The following THUMPD2 variants were observed in gnomAD, a reference collection of about 807,000 sequenced individuals.
THUMPD2 encodes U6 snRNA (guanine-N(2))-methyltransferase THUMPD2.
THUMPD2 carries 56 observed loss-of-function variants against 49.4 expected under a neutral mutation model. The ratio of observed to expected loss-of-function variants is 1.13; its 90% confidence interval spans 0.91 to 1.41. The LOEUF is 1.41. THUMPD2 is among the 40% of genes most tolerant of loss of function. The probability of loss-of-function intolerance (pLI) is 0.00; values close to 1 mark genes in which losing one functional copy is unlikely to be tolerated. For missense variants in THUMPD2, 709 were observed against 594.5 expected, an observed-to-expected ratio of 1.19 and a Z score of -2.00; for synonymous variants, 237 against 205.2, an observed-to-expected ratio of 1.15 and a Z score of -1.32.
Position 39,756,008 on chromosome 2 carries a change from G to A in THUMPD2, c.892-48C>T, listed in dbSNP as rs149890087. 154 of 1,527,548 alleles carry A rather than the reference G, an allele frequency of 1.0e-4. 1 individual carries two copies. The African/African-American group carries it at 1.6e-3, about 16-fold the overall frequency. 94.6% of individuals were successfully genotyped at this position (1,527,548 alleles called of 1,614,324 possible). ...GGTATTATTAAGACTACCATAGTAC[G>A]TACTATAAAAGAAACCTAAAACTTG... On this transcript the variant is annotated intron_variant, in intron 6 of 9. Transcript: ENST00000505747.
chr2:39,761,340 A>T lies in THUMPD2; in HGVS notation c.882T>A (p.Ala294=). 6.2e-7 allele frequency: 1 copy of T among 1,613,788 alleles called. No homozygotes were observed. Among genetic ancestry groups the T allele is most frequent in the Non-Finnish European group, 8.5e-7 (1 of 1,179,732 alleles). The change falls in exon 6 of 10, where the codon GCT becomes GCA. Residue 294 remains alanine, a synonymous_variant. Coordinates refer to ENST00000505747, the MANE Select transcript of THUMPD2 (RefSeq NM_025264.5). ...AAAACATTTTTCTTACCTTAATGTCAGCCAGAGATGCCATTGCCCACGCTA... is the reference window on the plus strand; with the variant it reads ...AAAACATTTTTCTTACCTTAATGTCTGCCAGAGATGCCATTGCCCACGCTA... ...STIAWAMASL[A]DIKAGAFVLD... is the part of the protein sequence containing the mutation.
intron 5 of THUMPD2, among the ~76,000 whole-genome samples, chr2:39,762,264 C>T (rs184862463): frequency 1.3e-5 from 2 of 152,272 alleles, no homozygotes; most frequent in African/African-American, 4.8e-5. Flanking sequence ...AAGAGGTCTT[C>T]TACGAACATT....
chr2:39,778,688 T>G (rs1283841125), intron 1 of THUMPD2, among the ~76,000 whole-genome samples: 1 of 152,180 alleles, frequency 6.6e-6, no homozygotes, highest in African/African-American at 2.4e-5. Flanking sequence ...ATAATTTAAT[T>G]CTCACAACAA....
At chr2:39,774,775 C>T (rs1413560762) in intron 1 of THUMPD2, among the ~76,000 whole-genome samples, 1 of 151,940 alleles carries the variant, frequency 6.6e-6, no homozygotes, top group African/African-American at 2.4e-5. Context: ...TGTTTCTTAC[C>T]TGAAAATTTA....
intron 4 of THUMPD2, among the ~76,000 whole-genome samples, chr2:39,766,625 A>G (rs2148319067): frequency 6.6e-6 from 1 of 152,304 alleles, no homozygotes; most frequent in Middle Eastern, 3.4e-3. Context: ...TAGGCCATGA[A>G]GAGTATTTAA....
At chr2:39,751,033 G>A (rs1380283437) in intron 8 of THUMPD2, among the ~76,000 whole-genome samples, 1 of 152,222 alleles carries the variant, frequency 6.6e-6, no homozygotes, top group Non-Finnish European at 1.5e-5. Flanking sequence ...AAGAACATGT[G>A]AACTACTCTC....
At chr2:39,750,750 A>C (rs1370524314) in intron 8 of THUMPD2, among the ~76,000 whole-genome samples, 2 of 152,170 alleles carry the variant, frequency 1.3e-5, no homozygotes, top group African/African-American at 4.8e-5. Flanking sequence ...GAGTTTTAAG[A>C]TAAATGCTAG....
chr2:39,771,817 C>T (rs939657057), intron 1 of THUMPD2, among the ~76,000 whole-genome samples, 177 bp from the exon 2 acceptor site: 1 of 152,132 alleles, frequency 6.6e-6, no homozygotes, highest in East Asian at 1.9e-4. Context: ...ATCCTTATAA[C>T]CACCCTCTAA....
At chr2:39,760,523 T>C (rs1403538421) in intron 6 of THUMPD2, among the ~76,000 whole-genome samples, 1 of 151,986 alleles carries the variant, frequency 6.6e-6, no homozygotes, top group African/African-American at 2.4e-5. Flanking sequence ...ATGAACAGAA[T>C]AAAAACAGGA....
chr2:39,772,958 G>GCA (rs988552295), intron 1 of THUMPD2, among the ~76,000 whole-genome samples: 3 of 152,136 alleles, frequency 2.0e-5, no homozygotes, highest in Admixed American at 2.0e-4. Context: ...TGCTAGATTG[G>GCA]CACAGTTAAA....
chr2:39,777,459 C>A (rs1013109543), intron 1 of THUMPD2, among the ~76,000 whole-genome samples: 4 of 152,124 alleles, frequency 2.6e-5, no homozygotes, highest in African/African-American at 9.7e-5. Flanking sequence ...AGACAAGTCC[C>A]AATTTTCTCT....
chr2:39,742,047 A>C (rs985167061), intron 9 of THUMPD2, among the ~76,000 whole-genome samples: 1 of 152,200 alleles, frequency 6.6e-6, no homozygotes, highest in African/African-American at 2.4e-5. Flanking sequence ...GTGGGTATTA[A>C]AGATAGGCAA....
At chr2:39,748,686 C>G (rs1157247488) in intron 8 of THUMPD2, among the ~76,000 whole-genome samples, 1 of 145,344 alleles carries the variant, frequency 6.9e-6, no homozygotes, top group Non-Finnish European at 1.5e-5. Flanking sequence ...GAGTCTGTCT[C>G]AAAAAAAAAC....
intron 6 of THUMPD2, among the ~76,000 whole-genome samples, chr2:39,759,714 C>T (rs1265849130): frequency 6.6e-6 from 1 of 152,182 alleles, no homozygotes; most frequent in Non-Finnish European, 1.5e-5. Context: ...GCATGGTCTG[C>T]TCATCTGTGT....
intron 8 of THUMPD2, among the ~76,000 whole-genome samples, chr2:39,749,567 G>A (rs1395086052): frequency 6.6e-6 from 1 of 152,030 alleles, no homozygotes; most frequent in African/African-American, 2.4e-5. Flanking sequence ...GTTGGCTTTG[G>A]GCCTAGCATT....
chr2:39,737,581 C>T (rs1444364092), intron 9 of THUMPD2, among the ~76,000 whole-genome samples: 2 of 152,132 alleles, frequency 1.3e-5, no homozygotes, highest in Admixed American at 6.5e-5. Context: ...CGTGACATAG[C>T]CCTGTAAGTT....
intron 6 of THUMPD2, 91 bp downstream of exon 6, chr2:39,761,236 AAAGC>A: frequency 1.8e-6 from 2 of 1,120,118 alleles, no homozygotes; most frequent in Non-Finnish European, 2.6e-6. Context: ...AAGAAAAGAA[AAAGC>A]AAGTAACATA....
intron 6 of THUMPD2, among the ~76,000 whole-genome samples, 191 bp from the exon 7 acceptor site, chr2:39,756,151 C>T (rs1276361759): frequency 6.6e-6 from 1 of 151,890 alleles, no homozygotes; most frequent in African/African-American, 2.4e-5. Context: ...AGCAGGTGTA[C>T]ATGCTGATGG....
intron 3 of THUMPD2, chr2:39,768,900 C>T (rs1264223982): frequency 7.7e-7 from 1 of 1,300,174 alleles, no homozygotes. Context: ...ATTAGACTCA[C>T]CCTTTAGGGT....
Sources: gnomAD v4.1 joint callset for allele counts (sites outside exome capture counted in the v4.1 genomes callset) on GRCh38, gnomAD v4.1.1 for gene constraint, MANE v1.5 for transcripts, NCBI Gene and HGNC (gene_info 2026-07-23, HGNC 2026-07-21) for gene names.